TOM1L2: variants seen among roughly 807,000 people sequenced by gnomAD.
TOM1L2 encodes the protein target of myb1 like 2 membrane trafficking protein.
In TOM1L2, 31 loss-of-function variants were observed where a neutral mutation model predicts 67.9. The ratio of observed to expected loss-of-function variants is 0.46; its 90% CI spans 0.34 to 0.62. The LOEUF is 0.62. Among genes scored for constraint, TOM1L2 ranks in the 20% least tolerant of loss-of-function variants. TOM1L2 has a pLI of 0.01. For synonymous variants in TOM1L2, 256 were observed against 254.0 expected (o/e 1.01, Z -0.07); for missense variants, 606 against 663.5 (o/e 0.91, Z 0.95).
chr17:17,897,280 A>G (rs762230059), intron 3 of TOM1L2, among the ~76,000 whole-genome samples: 2 of 152,224 alleles, frequency 1.3e-5, no homozygotes, highest in Non-Finnish European at 2.9e-5. Flanking sequence ...GAGAAAAAAT[A>G]AAATAAAAGC....
At chr17:17,867,477 G>C (rs952072887) in intron 8 of TOM1L2, among the ~76,000 whole-genome samples, 1 of 152,210 alleles carries the variant, frequency 6.6e-6, no homozygotes, top group Non-Finnish European at 1.5e-5. Flanking sequence ...GGAGGGTGGA[G>C]TGAGTGTCCT....
chr17:17,943,568 G>T (rs565193064), intron 1 of TOM1L2, among the ~76,000 whole-genome samples: 1 of 152,186 alleles, frequency 6.6e-6, no homozygotes, highest in Admixed American at 6.5e-5. Context: ...AGGGGAGCCC[G>T]AAGGCTGAGC....
At chr17:17,958,192 A>C (rs113879421) in intron 1 of TOM1L2, among the ~76,000 whole-genome samples, 39 of 152,328 alleles carry the variant, frequency 2.6e-4, no homozygotes, top group African/African-American at 9.1e-4. Context: ...TCTGTTCTTC[A>C]AAACAAACGA....
chr17:17,896,854 G>A (rs1280974393), intron 3 of TOM1L2, among the ~76,000 whole-genome samples: 1 of 152,206 alleles, frequency 6.6e-6, no homozygotes, highest in African/African-American at 2.4e-5. Context: ...AGTCCGGAGA[G>A]GGCCACAGGA....
chr17:17,853,254 C>T (rs117795168), intron 12 of TOM1L2, among the ~76,000 whole-genome samples: 3 of 152,356 alleles, frequency 2.0e-5, no homozygotes, highest in African/African-American at 4.8e-5. Flanking sequence ...TAGTCCCACA[C>T]TAGCGGTTAG....
rs533443184 is a variant in TOM1L2 at position 17,912,598 on chromosome 17, C to G, written c.53-5067G>C. Among the ~76,000 whole-genome samples, 153 of 151,506 alleles carry G rather than the reference C, an allele frequency of 1.0e-3. 2 individuals carry two copies. The highest frequency in any genetic ancestry group is 3.7e-3 in the African/African-American group (152 of 41,206). ...ACATCTCAGACGATGGGCGGCCGGG[C>G]AGAGACGCTCTTCACTTCCTAGATG... is the stretch of plus-strand genomic sequence containing the variant. On this transcript the variant is annotated intron_variant, in intron 1 of 14. Coordinates refer to ENST00000379504, the MANE Select transcript of TOM1L2 (RefSeq NM_001082968.2).
chr17:17,873,551 T>C (rs750626922), intron 7 of TOM1L2, among the ~76,000 whole-genome samples: 2 of 152,172 alleles, frequency 1.3e-5, no homozygotes, highest in Non-Finnish European at 2.9e-5. Flanking sequence ...CAAACCAGAT[T>C]CCTCAGTAGA....
chr17:17,856,278 G>C (rs1386427930), intron 12 of TOM1L2, among the ~76,000 whole-genome samples: 3 of 152,400 alleles, frequency 2.0e-5, no homozygotes, highest in African/African-American at 7.2e-5. Flanking sequence ...GCCTGTCCCT[G>C]AAGAAGCAAA....
intron 13 of TOM1L2, 147 bp downstream of exon 13, chr17:17,850,745 AG>A: frequency 1.3e-6 from 1 of 798,834 alleles, no homozygotes. Context: ...GTCGGGGAGG[AG>A]GGGCAGCTAT....
chr17:17,959,982 T>C (rs2041619278), intron 1 of TOM1L2, among the ~76,000 whole-genome samples: 1 of 152,192 alleles, frequency 6.6e-6, no homozygotes, highest in African/African-American at 2.4e-5. Context: ...GAAAGTAAAA[T>C]ACACAGGTCT....
intron 1 of TOM1L2, among the ~76,000 whole-genome samples, chr17:17,937,191 G>T (rs1477008659): frequency 6.6e-6 from 1 of 152,190 alleles, no homozygotes; most frequent in East Asian, 1.9e-4. Context: ...TATCTGGCAG[G>T]CTATTCAACA....
chr17:17,870,870 A>G (rs911837846), intron 7 of TOM1L2, among the ~76,000 whole-genome samples: 5 of 152,240 alleles, frequency 3.3e-5, no homozygotes, highest in South Asian at 2.1e-4. Context: ...AAGGTGGTCA[A>G]TCAGCCAGTG....
intron 4 of TOM1L2, among the ~76,000 whole-genome samples, chr17:17,886,861 A>T (rs1345963209): frequency 6.6e-6 from 1 of 152,334 alleles, no homozygotes; most frequent in Admixed American, 6.5e-5. Context: ...TGCACACCCA[A>T]GTTGGGCCAA....
intron 1 of TOM1L2, among the ~76,000 whole-genome samples, chr17:17,923,440 C>T (rs921474619): frequency 2.6e-5 from 4 of 152,078 alleles, no homozygotes; most frequent in African/African-American, 9.7e-5. Context: ...ACAACAACAA[C>T]AAACACCCAT....
At chr17:17,920,949 T>A (rs1462147952) in intron 1 of TOM1L2, among the ~76,000 whole-genome samples, 1 of 152,166 alleles carries the variant, frequency 6.6e-6, no homozygotes, top group Non-Finnish European at 1.5e-5. Context: ...ACATCTTACA[T>A]AACCACTGCA....
chr17:17,911,192 C>T (rs980550101), intron 1 of TOM1L2, among the ~76,000 whole-genome samples: 3 of 152,104 alleles, frequency 2.0e-5, no homozygotes, highest in African/African-American at 4.8e-5. Context: ...TGGCCTGGGT[C>T]CTACCCCAGG....
chr17:17,922,997 A>C (rs1434961893), intron 1 of TOM1L2, among the ~76,000 whole-genome samples: 1 of 152,186 alleles, frequency 6.6e-6, no homozygotes, highest in African/African-American at 2.4e-5. Flanking sequence ...CGCAGGCATC[A>C]CCAGGAACAA....
chr17:17,969,063 T>C (rs1490734803), intron 1 of TOM1L2, among the ~76,000 whole-genome samples: 3 of 151,606 alleles, frequency 2.0e-5, no homozygotes, highest in Non-Finnish European at 4.4e-5. Context: ...TCTCCTTTTT[T>C]TTTTTTTTTT....
chr17:17,911,103 T>C (rs117861021), intron 1 of TOM1L2, among the ~76,000 whole-genome samples: 2,358 of 152,132 alleles, frequency 0.015, 24 homozygotes, highest in Non-Finnish European at 0.025. Flanking sequence ...TCAGAGAACA[T>C]AGGAGGGTGG....
Sources: gnomAD v4.1 joint callset for allele counts (sites outside exome capture counted in the v4.1 genomes callset) on GRCh38, gnomAD v4.1.1 for gene constraint, MANE v1.5 for transcripts, NCBI Gene and HGNC (gene_info 2026-07-23, HGNC 2026-07-21) for gene names.